WFDC10B: variants seen among roughly 807,000 people sequenced by gnomAD.
The protein encoded by WFDC10B is WAP four-disulfide core domain 10B, also known as protein WFDC10B.
Under a neutral mutation model 2.7 loss-of-function variants are expected in WFDC10B, and 1 was observed. The observed-to-expected ratio is 0.38, with a 90% CI of 0.13 to 1.79. The LOEUF is 1.79. Among genes scored for constraint, WFDC10B ranks in the 40% most tolerant of loss-of-function variants. The pLI is 0.33. For synonymous variants in WFDC10B, 26 were observed against 32.2 expected (o/e 0.81, Z 0.65); for missense variants, 71 against 87.8 (o/e 0.81, Z 0.76).
chr20:45,704,258 C>T (rs192685876), intron 2 of WFDC10B, among the ~76,000 whole-genome samples: 5 of 152,310 alleles, frequency 3.3e-5, no homozygotes, highest in South Asian at 4.1e-4. Flanking sequence ...AATATCCATG[C>T]CCTGCTTCCC....
chr20:45,691,123 A>C (rs933690896), intron 2 of WFDC10B, among the ~76,000 whole-genome samples: 1 of 152,134 alleles, frequency 6.6e-6, no homozygotes. Context: ...CAGGTTGTTC[A>C]GTTTCCATGT....
intron 2 of WFDC10B, among the ~76,000 whole-genome samples, chr20:45,694,788 G>T (rs1191310846): frequency 6.6e-6 from 1 of 152,134 alleles, no homozygotes; most frequent in Non-Finnish European, 1.5e-5. Context: ...GGATGGAGCT[G>T]GTCACCAGAA....
intron 2 of WFDC10B, among the ~76,000 whole-genome samples, chr20:45,696,918 C>A (rs1217377514): frequency 1.3e-5 from 2 of 151,984 alleles, no homozygotes; most frequent in Non-Finnish European, 2.9e-5. Flanking sequence ...AAATTCACCA[C>A]CCTTCTATAA....
intron 2 of WFDC10B, among the ~76,000 whole-genome samples, chr20:45,697,125 C>G (rs1176327690): frequency 6.6e-6 from 1 of 152,054 alleles, no homozygotes; most frequent in Non-Finnish European, 1.5e-5. Context: ...CCAAAGCAAT[C>G]AAGTAATAAA....
chr20:45,697,829 C>CG (rs1339342715), intron 2 of WFDC10B, among the ~76,000 whole-genome samples: 13 of 151,304 alleles, frequency 8.6e-5, no homozygotes, highest in South Asian at 2.1e-4. Context: ...CTGCAACCTC[C>CG]GCCTCCCAGG....
chr20:45,700,817 C>T (rs576723938), intron 2 of WFDC10B, among the ~76,000 whole-genome samples: 55 of 152,200 alleles, frequency 3.6e-4, no homozygotes, highest in African/African-American at 1.3e-3. Context: ...AAGGGCCTAG[C>T]GAGCACAGTG....
chr20:45,689,027 A>AG (rs1983720452), intron 2 of WFDC10B, among the ~76,000 whole-genome samples: 1 of 150,380 alleles, frequency 6.6e-6, no homozygotes, highest in African/African-American at 2.5e-5. Flanking sequence ...ATAAGGTGTA[A>AG]GGAAGGGATC....
At chr20:45,685,394 A>G (rs1487312) in intron 3 of WFDC10B, among the ~76,000 whole-genome samples, 90,170 of 151,798 alleles carry the variant, frequency 0.59, 27,774 homozygotes, top group East Asian at 0.98. Context: ...TCTCCTCTCC[A>G]TCACTGTCCC....
chr20:45,689,692 C>G (rs8184017), intron 2 of WFDC10B, among the ~76,000 whole-genome samples: 29,505 of 151,804 alleles, frequency 0.19, 3,166 homozygotes, highest in East Asian at 0.32. Flanking sequence ...CATTGATTTT[C>G]TATCCTGAGA....
intron 2 of WFDC10B, among the ~76,000 whole-genome samples, chr20:45,703,344 G>A (rs979481899): frequency 1.3e-5 from 2 of 152,170 alleles, no homozygotes; most frequent in African/African-American, 4.8e-5. Flanking sequence ...ATTGTCAACA[G>A]CTTGAACCTC....
At chr20:45,702,319 A>C in intron 2 of WFDC10B, 1 of 1,139,306 alleles carries the variant, frequency 8.8e-7, no homozygotes, top group East Asian at 2.6e-5. Flanking sequence ...TGTCATGTTC[A>C]AGGGCCCAAG....
At chr20:45,685,102 G>A in intron 3 of WFDC10B, 142 bp from the exon 4 acceptor site, 1 of 1,023,008 alleles carries the variant, frequency 9.8e-7, no homozygotes, top group Non-Finnish European at 1.4e-6. Context: ...CTTCCTTCCA[G>A]CCCATCACCA....
At chr20:45,701,904 G>C in intron 2 of WFDC10B, 1 of 526,110 alleles carries the variant, frequency 1.9e-6, no homozygotes, top group Non-Finnish European at 3.4e-6. Flanking sequence ...TCAAGATTAG[G>C]GGAATAAAGG....
chr20:45,701,702 C>T (rs1984167359), intron 2 of WFDC10B, among the ~76,000 whole-genome samples: 1 of 148,028 alleles, frequency 6.8e-6, no homozygotes, highest in Non-Finnish European at 1.5e-5. Context: ...GAAGAGGCTG[C>T]AGTGAGCAGA....
At chr20:45,692,406 T>C (rs1002013379) in intron 2 of WFDC10B, among the ~76,000 whole-genome samples, 8 of 152,132 alleles carry the variant, frequency 5.3e-5, no homozygotes, top group African/African-American at 1.9e-4. Context: ...GGGGAAGTTC[T>C]CCTGGATAAT....
At chr20:45,690,244 G>A (rs928138628) in intron 2 of WFDC10B, among the ~76,000 whole-genome samples, 3 of 148,756 alleles carry the variant, frequency 2.0e-5, no homozygotes, top group African/African-American at 7.5e-5. Flanking sequence ...CGGTTTGCTA[G>A]TATTTTATTG....
At chr20:45,703,198 G>A (rs1984240222) in intron 2 of WFDC10B, among the ~76,000 whole-genome samples, 1 of 152,176 alleles carries the variant, frequency 6.6e-6, no homozygotes, top group Non-Finnish European at 1.5e-5. Context: ...CTGGATCATG[G>A]TGTCTATCTC....
chr20:45,685,751 T>C (rs1983590723), intron 3 of WFDC10B, 151 bp downstream of exon 3: 2 of 1,306,182 alleles, frequency 1.5e-6, no homozygotes, highest in African/African-American at 1.5e-5. Context: ...TGGAGGGCCA[T>C]GGTTTGGGAC....
chr20:45,699,836 G>A lies in WFDC10B; in HGVS notation c.-65+4661C>T, dbSNP rs540211912. 3.3e-5 allele frequency among the ~76,000 whole-genome samples: 5 copies of A among 152,198 alleles called. No individual in the cohort carries two copies. The South Asian group carries it at 8.3e-4, about 25-fold the overall frequency. On this transcript the variant is annotated intron_variant, in intron 2 of 3. Transcript: ENST00000330523. ...TGGGACTACAGGCATGTGCCACCAC[G>A]CCCATCTAATTTTTGTATTTTTAGT...
Sources: gnomAD v4.1 joint callset for allele counts (sites outside exome capture counted in the v4.1 genomes callset) on GRCh38, gnomAD v4.1.1 for gene constraint, MANE v1.5 for transcripts, NCBI Gene and HGNC (gene_info 2026-07-23, HGNC 2026-07-21) for gene names.